The following ACBD6 variants were observed in gnomAD, a reference collection of about 807,000 sequenced individuals.
ACBD6 encodes the protein acyl-CoA-binding domain-containing protein 6.
In ACBD6, 28 loss-of-function variants were observed where a neutral mutation model predicts 37.2. The observed-to-expected ratio is 0.75, with a 90% CI of 0.56 to 1.03. ACBD6 has a LOEUF of 1.03. Ranked by LOEUF, ACBD6 falls within the 50% of genes least tolerant of loss-of-function variation. The pLI is 0.00. For synonymous variants in ACBD6, 113 were observed against 126.8 expected, an observed-to-expected ratio of 0.89 and a Z score of 0.73; for missense variants, 340 against 337.4, an observed-to-expected ratio of 1.01 and a Z score of -0.06.
chr1:180,349,178 G>A (rs115780644), intron 6 of ACBD6, among the ~76,000 whole-genome samples: 2,996 of 151,586 alleles, frequency 0.02, 101 homozygotes, highest in African/African-American at 0.067. Context: ...AACGCTTCAC[G>A]AACTTGCATG....
intron 6 of ACBD6, among the ~76,000 whole-genome samples, chr1:180,368,261 C>T (rs533367871): frequency 1.6e-4 from 24 of 152,044 alleles, no homozygotes; most frequent in African/African-American, 5.5e-4. Flanking sequence ...AAGTTATTTA[C>T]AGATGCTGGG....
chr1:180,444,577 C>T (rs1190857710), intron 3 of ACBD6, among the ~76,000 whole-genome samples: 2 of 152,304 alleles, frequency 1.3e-5, no homozygotes, highest in East Asian at 3.9e-4. Flanking sequence ...CTATACACTT[C>T]ATCTACCAGA....
chr1:180,351,183 A>C (rs1414779269), intron 6 of ACBD6, among the ~76,000 whole-genome samples: 1 of 152,116 alleles, frequency 6.6e-6, no homozygotes, highest in African/African-American at 2.4e-5. Flanking sequence ...ATATAGGTTT[A>C]TTCTCAATCT....
intron 6 of ACBD6, among the ~76,000 whole-genome samples, chr1:180,392,182 G>T (rs1571446913): frequency 1.3e-5 from 2 of 152,018 alleles, no homozygotes; most frequent in Admixed American, 1.3e-4. Flanking sequence ...GTAACTTTAG[G>T]GAACAAACTT....
At chr1:180,476,284 ATTTT>A (rs1052030099) in intron 3 of ACBD6, among the ~76,000 whole-genome samples, 1 of 152,084 alleles carries the variant, frequency 6.6e-6, no homozygotes, top group African/African-American at 2.4e-5. Flanking sequence ...GAGGTTGAAA[ATTTT>A]TTTTGTGAAA....
At chr1:180,332,592 G>A (rs1457877426) in intron 6 of ACBD6, among the ~76,000 whole-genome samples, 3 of 151,828 alleles carry the variant, frequency 2.0e-5, no homozygotes, top group Non-Finnish European at 4.4e-5. Context: ...AATGCCTGAT[G>A]ATCTGACAGT....
At chr1:180,318,942 T>A (rs1458790293) in intron 6 of ACBD6, among the ~76,000 whole-genome samples, 1 of 152,110 alleles carries the variant, frequency 6.6e-6, no homozygotes, top group African/African-American at 2.4e-5. Context: ...GAGAGTTGAG[T>A]TGCTTTTTTG....
chr1:180,278,903 GT>G (rs1176525309), intron 9 of ACBD6: 1 of 152,102 alleles, frequency 6.6e-6, no homozygotes, highest in East Asian at 1.9e-4. Flanking sequence ...AAGCTGGTGC[GT>G]TTGTTTGTAT....
intron 7 of ACBD6, among the ~76,000 whole-genome samples, chr1:180,291,159 G>A (rs1649692330): frequency 6.6e-6 from 1 of 152,192 alleles, no homozygotes; most frequent in Non-Finnish European, 1.5e-5. Flanking sequence ...TCCAATTTTT[G>A]GCATTATGAA....
At chr1:180,343,894 C>A (rs1403172214) in intron 6 of ACBD6, among the ~76,000 whole-genome samples, 2 of 152,022 alleles carry the variant, frequency 1.3e-5, no homozygotes, top group East Asian at 3.9e-4. Flanking sequence ...CAGAAAGACA[C>A]CCTATCTCAA....
At chr1:180,337,004 G>A (rs1651748806) in intron 6 of ACBD6, among the ~76,000 whole-genome samples, 1 of 152,104 alleles carries the variant, frequency 6.6e-6, no homozygotes, top group Non-Finnish European at 1.5e-5. Context: ...TGAAATTGAG[G>A]CAAAAATTAA....
intron 6 of ACBD6, among the ~76,000 whole-genome samples, chr1:180,381,474 C>T (rs1434329523): frequency 6.6e-6 from 1 of 152,148 alleles, no homozygotes; most frequent in Non-Finnish European, 1.5e-5. Context: ...GGTCACAAAA[C>T]AAGTCTCAAC....
intron 6 of ACBD6, among the ~76,000 whole-genome samples, chr1:180,346,110 C>T (rs6425620): frequency 0.94 from 143,344 of 152,128 alleles, 67,578 homozygotes; most frequent in East Asian, 0.98. Flanking sequence ...GTAGCAAGTG[C>T]TGACAGGCTA....
intron 4 of ACBD6, among the ~76,000 whole-genome samples, chr1:180,418,430 T>C (rs1164275858): frequency 1.3e-5 from 2 of 151,948 alleles, no homozygotes; most frequent in African/African-American, 4.8e-5. Flanking sequence ...AAATTTCAAA[T>C]TAGCTGGGTG....
chr1:180,333,786 C>T (rs775165168), intron 6 of ACBD6, among the ~76,000 whole-genome samples: 5 of 152,178 alleles, frequency 3.3e-5, no homozygotes, highest in East Asian at 1.9e-4. Context: ...GGGTGACAGC[C>T]GGCATCTGGA....
At chr1:180,308,498 CAG>C (rs1337377822) in intron 7 of ACBD6, among the ~76,000 whole-genome samples, 1 of 152,184 alleles carries the variant, frequency 6.6e-6, no homozygotes, top group Non-Finnish European at 1.5e-5. Flanking sequence ...CTGAAATAAT[CAG>C]AATATAAATG....
chr1:180,445,479 C>T (rs1200901538), intron 3 of ACBD6, among the ~76,000 whole-genome samples: 6 of 152,138 alleles, frequency 3.9e-5, no homozygotes, highest in Non-Finnish European at 5.9e-5. Context: ...ATAAAGCTGG[C>T]ATTATCACTG....
At chr1:180,312,480 T>G (rs76766967) in intron 7 of ACBD6, among the ~76,000 whole-genome samples, 6,847 of 152,250 alleles carry the variant, frequency 0.045, 501 homozygotes, top group African/African-American at 0.15. Flanking sequence ...TGTAGCTAAC[T>G]GTATTGTTTG....
intron 6 of ACBD6, among the ~76,000 whole-genome samples, chr1:180,384,377 C>A (rs1156318909): frequency 6.6e-6 from 1 of 151,966 alleles, no homozygotes; most frequent in Non-Finnish European, 1.5e-5. Context: ...AGTAGACAAA[C>A]AAATAGCTAA....
Sources: gnomAD v4.1 joint callset for allele counts (sites outside exome capture counted in the v4.1 genomes callset) on GRCh38, gnomAD v4.1.1 for gene constraint, MANE v1.5 for transcripts, NCBI Gene and HGNC (gene_info 2026-07-23, HGNC 2026-07-21) for gene names.